The following MAN2B2 variants were observed in gnomAD, a reference collection of about 807,000 sequenced individuals.
MAN2B2 encodes epididymis-specific alpha-mannosidase.
MAN2B2 carries 106 observed loss-of-function variants against 117.1 expected under a neutral mutation model. That is an observed-to-expected ratio of 0.90 (90% CI 0.77 to 1.06). The LOEUF (loss-of-function observed/expected upper bound fraction) is 1.06, where lower values mean the gene tolerates loss of function less well. Ranked by LOEUF, MAN2B2 falls within the 50% of genes least tolerant of loss-of-function variation. The pLI is 0.00. For synonymous variants in MAN2B2, 544 were observed against 595.1 expected, an observed-to-expected ratio of 0.91 and a Z score of 1.25; for missense variants, 1,326 against 1,381.4, an observed-to-expected ratio of 0.96 and a Z score of 0.64.
chr4:6,608,954 G>A (rs1727649821), intron 11 of MAN2B2, among the ~76,000 whole-genome samples, 153 bp from the exon 12 acceptor site: 1 of 152,164 alleles, frequency 6.6e-6, no homozygotes, highest in African/African-American at 2.4e-5. Context: ...GCTGTGGGTG[G>A]GGTCTCAGGG....
chr4:6,608,352 G>A (rs1727627715), intron 11 of MAN2B2, among the ~76,000 whole-genome samples: 1 of 152,200 alleles, frequency 6.6e-6, no homozygotes. Flanking sequence ...ATCCCACAGA[G>A]AAGTGGGTGC....
At position 6,622,137 on chromosome 4, in the gene MAN2B2, C is replaced by T. The variant is rs1411943458; in HGVS notation, c.*852C>T. On this transcript the variant is annotated 3_prime_UTR_variant, in exon 19 of 19. Transcript: ENST00000285599. ...GCCATAAAAAGGAAGGAAATTCTGA[C>T]GCATGCCACAGCCTGAGTGAATCCT... 6.6e-6 allele frequency: 1 copy of T among 152,238 alleles called. No homozygotes were observed. The highest frequency in any genetic ancestry group is 1.5e-5 in the Non-Finnish European group (1 of 68,054). The allele number at this position is 152,238 out of a possible 1,614,324, so 9.4% of individuals were successfully genotyped here.
At chr4:6,600,418 C>A (rs1185891016) in intron 9 of MAN2B2, among the ~76,000 whole-genome samples, 4 of 152,220 alleles carry the variant, frequency 2.6e-5, no homozygotes, top group Non-Finnish European at 5.9e-5. Flanking sequence ...GCCTGCCCTG[C>A]CCTGGAAGCC....
Position 6,593,080 on chromosome 4 carries a change from G to A in MAN2B2, c.681-93G>A, listed in dbSNP as rs956107922. On this transcript the variant is annotated intron_variant, in intron 5 of 18. Coordinates refer to ENST00000285599, the MANE Select transcript of MAN2B2 (RefSeq NM_015274.3). The stretch of plus-strand genomic sequence containing the variant: ...GTCTCAGGGTGAAATGATGTGCCAA[G>A]GTCCCAAGGCTGGGAGAACATGGCA... 8 of 1,206,480 alleles carry A rather than the reference G, an allele frequency of 6.6e-6. No homozygotes were observed. The East Asian group carries it at 2.1e-4, about 32-fold the overall frequency. The allele number at this position is 1,206,480 out of a possible 1,614,324, so 74.7% of individuals were successfully genotyped here.
In MAN2B2 at chr4:6,594,734, T is replaced by C. The variant is rs1727007484; in HGVS notation, c.1057+2T>C. The C allele has an allele frequency of 1.2e-6, 2 of 1,608,664 alleles. No homozygotes were observed. The highest frequency in any genetic ancestry group is 1.7e-6 in the Non-Finnish European group (2 of 1,178,576). On this transcript the variant is annotated splice_donor_variant, in intron 7 of 18. Coordinates refer to ENST00000285599, the MANE Select transcript of MAN2B2 (RefSeq NM_015274.3). LOFTEE classifies it high-confidence loss of function. ...ACGACTTCCTGCCCTATTCCACAGG[T>C]ACAGGCTTCCAGGGGCTGGGGTGGT...
chr4:6,613,691 A>C, intron 15 of MAN2B2, among the ~76,000 whole-genome samples: 1 of 114,782 alleles, frequency 8.7e-6, no homozygotes, highest in African/African-American at 3.4e-5. Flanking sequence ...GAAGGAGGGA[A>C]GGAAGGAAGG....
chr4:6,615,369 T>C (rs1175373547), intron 16 of MAN2B2, among the ~76,000 whole-genome samples: 3 of 152,114 alleles, frequency 2.0e-5, no homozygotes, highest in Non-Finnish European at 2.9e-5. Context: ...TTCCCTGACT[T>C]TGGAGCTGGA....
In MAN2B2 at chr4:6,605,291, C is replaced by G. The variant is rs374489307; in HGVS notation, c.1776C>G (p.Leu592=). The G allele has an allele frequency of 1.9e-6, 3 of 1,613,564 alleles. No homozygotes were observed. The highest frequency in any genetic ancestry group is 3.3e-4 in the Middle Eastern group (2 of 6,050). Residue 592 remains leucine (L), a synonymous_variant, in exon 11 of 19, where the codon CTC becomes CTG. Transcript: ENST00000285599. ...CAAACGACTGCTACATTGTGCTGCT[C>G]GACCAGGATACCAACCTGATGCACA... ...PVANDCYIVL[L]DQDTNLMHSI... is the part of the protein sequence containing the mutation.
chr4:6,622,901 G>A lies in MAN2B2; in HGVS notation c.*1616G>A, dbSNP rs1712234363. 6.6e-6 allele frequency: 1 copy of A among 151,982 alleles called. No homozygotes were observed. Among genetic ancestry groups the A allele is most frequent in the Non-Finnish European group, 1.5e-5 (1 of 68,190 alleles). The allele number at this position is 151,982 out of a possible 1,614,324, so 9.4% of individuals were successfully genotyped here. A position where few individuals can be genotyped will look rare whatever the true frequency, so the allele number is the denominator to read the frequency against. ...CAGTCTCTGGTTTGGCCAGGCAGGAGCTGGGCTGGAGTTGCTGACCAAGCA... is the reference window on the plus strand; with the variant it reads ...CAGTCTCTGGTTTGGCCAGGCAGGAACTGGGCTGGAGTTGCTGACCAAGCA... On this transcript the variant is annotated 3_prime_UTR_variant, in exon 19 of 19. Transcript: ENST00000285599.
intron 10 of MAN2B2, among the ~76,000 whole-genome samples, chr4:6,603,008 A>T (rs1462196913): frequency 6.6e-6 from 1 of 151,532 alleles, no homozygotes; most frequent in East Asian, 2.0e-4. Flanking sequence ...GCCCCCTTGT[A>T]TGGGCTGATC....
chr4:6,579,289 TCACCACCACCATCACCAC>T (rs1560634992), intron 3 of MAN2B2, among the ~76,000 whole-genome samples: 326 of 14,836 alleles, frequency 0.022, 8 homozygotes, highest in African/African-American at 0.068. Context: ...ACCATCACCA[TCACCACCACCATCACCAC>T]CACCACCACC....
At chr4:6,578,348 C>T in intron 2 of MAN2B2, 45 bp from the exon 3 acceptor site, 1 of 1,458,960 alleles carries the variant, frequency 6.9e-7, no homozygotes, top group Non-Finnish European at 9.5e-7. Context: ...CAGCCATGCT[C>T]AGGAGCCGTA....
At chr4:6,598,115 C>T in intron 8 of MAN2B2, 83 bp from the exon 9 acceptor site, 1 of 1,466,114 alleles carries the variant, frequency 6.8e-7, no homozygotes, top group Admixed American at 1.8e-5. Context: ...AGAATGAGAG[C>T]CAGCGCCTAG....
chr4:6,584,703 G>A (rs549166798), intron 3 of MAN2B2, among the ~76,000 whole-genome samples: 4 of 152,310 alleles, frequency 2.6e-5, no homozygotes, highest in Admixed American at 6.5e-5. Context: ...AGAGGAACTC[G>A]AGGCCTGGAG....
chr4:6,587,224 T>G, intron 4 of MAN2B2, 56 bp downstream of exon 4: 1 of 1,581,892 alleles, frequency 6.3e-7, no homozygotes, highest in Non-Finnish European at 8.6e-7. Flanking sequence ...CTTCCTTCCT[T>G]GAATCAGAGC....
chr4:6,579,395 TCAC>T (rs141552652), intron 3 of MAN2B2, among the ~76,000 whole-genome samples: 36 of 39,176 alleles, frequency 9.2e-4, no homozygotes, highest in African/African-American at 3.0e-3. Flanking sequence ...CCCTTCACCA[TCAC>T]CACCACCACC....
chr4:6,582,318 A>AGTTGTTGTTGTTGCCGTTGCTGCT (rs1726460099), intron 3 of MAN2B2, among the ~76,000 whole-genome samples: 1 of 151,974 alleles, frequency 6.6e-6, no homozygotes, highest in East Asian at 1.9e-4. Context: ...AGCAGTATTT[A>AGTTGTTGTTGTTGCCGTTGCTGCT]GTTGTTGTTG....
intron 4 of MAN2B2, among the ~76,000 whole-genome samples, chr4:6,587,756 T>G (rs1397831810): frequency 1.6e-4 from 12 of 76,692 alleles, no homozygotes; most frequent in African/African-American, 3.6e-4. Flanking sequence ...TGTTGTTTTT[T>G]TTTTTTTTTT....
chr4:6,581,765 C>T (rs1200417397), intron 3 of MAN2B2, among the ~76,000 whole-genome samples: 1 of 151,202 alleles, frequency 6.6e-6, no homozygotes, highest in African/African-American at 2.4e-5. Flanking sequence ...AACCAAGACC[C>T]ACTCCTGGCT....
Sources: gnomAD v4.1 joint callset for allele counts (sites outside exome capture counted in the v4.1 genomes callset) on GRCh38, gnomAD v4.1.1 for gene constraint, MANE v1.5 for transcripts, NCBI Gene and HGNC (gene_info 2026-07-23, HGNC 2026-07-21) for gene names.